The following EHMT1 variants were observed in gnomAD, a reference collection of about 807,000 sequenced individuals.
EHMT1 encodes euchromatic histone lysine methyltransferase 1, also known as histone-lysine N-methyltransferase EHMT1.
EHMT1 carries 15 observed loss-of-function variants against 147.2 expected under a neutral mutation model. That is an observed-to-expected ratio of 0.10 (90% CI 0.07 to 0.16). The LOEUF (loss-of-function observed/expected upper bound fraction) is 0.16. Ranked by LOEUF, EHMT1 falls within the 10% of genes least tolerant of loss-of-function variation. The probability of loss-of-function intolerance (pLI) is 1.00; values close to 1 mark genes in which losing one functional copy is unlikely to be tolerated. For synonymous variants in EHMT1, 795 were observed against 709.6 expected (o/e 1.12, Z -1.91); for missense variants, 1,587 against 1,772.4 (o/e 0.90, Z 1.88).
At chr9:137,719,117 A>T (rs901982478) in intron 3 of EHMT1, among the ~76,000 whole-genome samples, 2 of 152,158 alleles carry the variant, frequency 1.3e-5, no homozygotes, top group African/African-American at 4.8e-5. Context: ...AAAGACGGTG[A>T]TTATAATTCT....
chr9:137,740,431 G>T (rs926068005), intron 4 of EHMT1, among the ~76,000 whole-genome samples: 17 of 152,066 alleles, frequency 1.1e-4, no homozygotes, highest in African/African-American at 3.9e-4. Context: ...TTCCAAAGAG[G>T]CCCTCGAGCC....
chr9:137,809,665 C>T (rs1286134474), intron 18 of EHMT1, among the ~76,000 whole-genome samples: 2 of 152,244 alleles, frequency 1.3e-5, no homozygotes, highest in Non-Finnish European at 2.9e-5. Context: ...GAAACGCTCA[C>T]GTGCTTTTAA....
intron 19 of EHMT1, 70 bp downstream of exon 19, chr9:137,811,685 C>T (rs1424646430): frequency 6.3e-7 from 1 of 1,590,824 alleles, no homozygotes; most frequent in East Asian, 2.2e-5. Context: ...GACCGCTTGA[C>T]AGTCTTGTGT....
rs1948339923 is a variant in EHMT1, at chr9:137,744,039, G to A, written c.1119G>A (p.Glu373=). 3 of 1,614,108 alleles carry A rather than the reference G, an allele frequency of 1.9e-6. No homozygotes were observed. Among genetic ancestry groups the A allele is most frequent in the African/African-American group, 1.3e-5 (1 of 75,036 alleles). Residue 373 remains glutamate (E), a synonymous_variant, in exon 6 of 27, where the codon GAG becomes GAA. Transcript: ENST00000460843. ...GAEQAAAFPT[E]DSRTSKESMS... ...AGCAGGCGGCCGCGTTCCCCACAGA[G>A]GACAGCAGGACTTCCAAGGAGAGCA...
At chr9:137,701,401 A>G (rs1249954773) in intron 1 of EHMT1, among the ~76,000 whole-genome samples, 4 of 151,636 alleles carry the variant, frequency 2.6e-5, no homozygotes, top group Non-Finnish European at 1.5e-5. Context: ...CTCCTGCCTC[A>G]GCTTCCTGAG....
At chr9:137,783,707 C>T (rs957576480) in intron 15 of EHMT1, among the ~76,000 whole-genome samples, 2 of 152,160 alleles carry the variant, frequency 1.3e-5, no homozygotes, top group African/African-American at 4.8e-5. Context: ...TCGGACTGCA[C>T]CTGTCTCTGC....
intron 6 of EHMT1, among the ~76,000 whole-genome samples, chr9:137,750,771 G>A (rs1223742185): frequency 2.6e-5 from 4 of 152,212 alleles, no homozygotes; most frequent in Admixed American, 1.3e-4. Flanking sequence ...GAGGGGGCGC[G>A]GCTGCCGGAG....
chr9:137,772,871 T>G (rs991336521), intron 10 of EHMT1, among the ~76,000 whole-genome samples: 3 of 152,210 alleles, frequency 2.0e-5, no homozygotes, highest in Non-Finnish European at 4.4e-5. Flanking sequence ...TTATCTCTTT[T>G]TTCCCAACCC....
chr9:137,683,101 T>C (rs1390587873), intron 1 of EHMT1, among the ~76,000 whole-genome samples: 1 of 152,266 alleles, frequency 6.6e-6, no homozygotes, highest in Non-Finnish European at 1.5e-5. Flanking sequence ...ATTGTGTTTC[T>C]GTTACATGGG....
In EHMT1 at chr9:137,807,655, G is replaced by A. The variant is rs941263282; in HGVS notation, c.2713-3806G>A. Among the ~76,000 whole-genome samples the A allele has an allele frequency of 4.7e-4, 72 of 152,126 alleles. 3 individuals are homozygous for A. The highest frequency in any genetic ancestry group is 1.9e-4 in the East Asian group (1 of 5,174). On this transcript the variant is annotated intron_variant, in intron 18 of 26. Coordinates refer to ENST00000460843, the MANE Select transcript of EHMT1 (RefSeq NM_024757.5). ...CCCGAGTAACTGGAATTACAGGCGC[G>A]CACGACCACGCCTGGCTAAGTTTTG...
intron 2 of EHMT1, 53 bp from the exon 3 acceptor site, chr9:137,716,573 G>T (rs1383293861): frequency 1.3e-6 from 2 of 1,499,552 alleles, no homozygotes; most frequent in Non-Finnish European, 1.8e-6. Context: ...GGTGGTGGTG[G>T]TGCCATGGAG....
At chr9:137,713,426 T>A (rs1944925650) in intron 2 of EHMT1, among the ~76,000 whole-genome samples, 1 of 151,556 alleles carries the variant, frequency 6.6e-6, no homozygotes, top group African/African-American at 2.4e-5. Context: ...CCTGCCACCA[T>A]GCCCGGCTAA....
intron 1 of EHMT1, among the ~76,000 whole-genome samples, chr9:137,636,896 CTTTTTTTTTT>C (rs35700929): frequency 8.3e-6 from 1 of 120,982 alleles, no homozygotes; most frequent in African/African-American, 3.1e-5. Context: ...CAGTTTCACT[CTTTTTTTTTT>C]TTTTTTTTTG....
chr9:137,697,168 C>T (rs1308038183), intron 1 of EHMT1: 5 of 351,768 alleles, frequency 1.4e-5, no homozygotes, highest in Non-Finnish European at 2.4e-5. Flanking sequence ...GTAATCCCAG[C>T]TACTTGGGAG....
chr9:137,833,207 G>C (rs958524367), intron 25 of EHMT1, among the ~76,000 whole-genome samples: 2 of 152,298 alleles, frequency 1.3e-5, no homozygotes, highest in South Asian at 4.1e-4. Flanking sequence ...TGTGGACCAG[G>C]TGTCTCTGCC....
intron 1 of EHMT1, among the ~76,000 whole-genome samples, chr9:137,632,199 G>A (rs956762288): frequency 6.6e-6 from 1 of 152,220 alleles, no homozygotes; most frequent in African/African-American, 2.4e-5. Flanking sequence ...AGATGTTACT[G>A]TCCTGTCGAG....
intron 1 of EHMT1, among the ~76,000 whole-genome samples, chr9:137,626,405 C>T (rs1843259716): frequency 1.3e-5 from 2 of 151,938 alleles, no homozygotes; most frequent in South Asian, 4.2e-4. Flanking sequence ...TGCCTGAAAT[C>T]CCAGCTACTC....
intron 16 of EHMT1, among the ~76,000 whole-genome samples, chr9:137,793,034 G>A (rs1437148020): frequency 6.6e-6 from 1 of 152,118 alleles, no homozygotes; most frequent in African/African-American, 2.4e-5. Context: ...CCCTCAGTAC[G>A]ATCTGTTGAA....
chr9:137,730,074 A>G (rs1399283711), intron 4 of EHMT1, among the ~76,000 whole-genome samples: 1 of 152,216 alleles, frequency 6.6e-6, no homozygotes, highest in Non-Finnish European at 1.5e-5. Flanking sequence ...CAGGTCTTTC[A>G]TAGAATGTGT....
Sources: allele counts gnomAD v4.1 joint callset (sites outside exome capture counted in the v4.1 genomes callset), GRCh38; gene constraint gnomAD v4.1.1; transcripts MANE v1.5; gene names NCBI Gene and HGNC (gene_info 2026-07-23, HGNC 2026-07-21).